Variants in TMPRSS11D observed in about 807,000 individuals in gnomAD.
TMPRSS11D encodes transmembrane serine protease 11D.
A neutral mutation model predicts 44.4 loss-of-function variants in TMPRSS11D; 32 were observed. That is an observed-to-expected ratio of 0.72 (90% CI 0.54 to 0.97). The LOEUF (loss-of-function observed/expected upper bound fraction) is 0.97. Ranked by LOEUF, TMPRSS11D falls within the 50% of genes least tolerant of loss-of-function variation. The probability of loss-of-function intolerance (pLI) is 0.00; values close to 1 mark genes in which losing one functional copy is unlikely to be tolerated. For missense variants in TMPRSS11D, 446 were observed against 502.6 expected, an observed-to-expected ratio of 0.89 and a Z score of 1.08; for synonymous variants, 179 against 177.9, an observed-to-expected ratio of 1.01 and a Z score of -0.05.
chr4:67,867,882 G>C (rs1718964252), intron 1 of TMPRSS11D, among the ~76,000 whole-genome samples: 1 of 152,070 alleles, frequency 6.6e-6, no homozygotes. Flanking sequence ...AAGTAAATTA[G>C]TAAAACCTCT....
At chr4:67,875,048 C>A (rs1719152085) in intron 1 of TMPRSS11D, among the ~76,000 whole-genome samples, 6 of 152,138 alleles carry the variant, frequency 3.9e-5, no homozygotes, top group Admixed American at 3.9e-4. Context: ...TGAATTTAAT[C>A]CTACTGGCTT....
At chr4:67,856,782 C>A (rs1718646157) in intron 2 of TMPRSS11D, among the ~76,000 whole-genome samples, 1 of 151,754 alleles carries the variant, frequency 6.6e-6, no homozygotes, top group Non-Finnish European at 1.5e-5. Context: ...AACAACTCAA[C>A]ACTAAAAAAA....
At chr4:67,860,522 T>G (rs1437306139) in intron 1 of TMPRSS11D, 1 of 152,138 alleles carries the variant, frequency 6.6e-6, no homozygotes, top group Non-Finnish European at 1.5e-5. Flanking sequence ...AGTATATATT[T>G]CTAGTTCAAT....
intron 3 of TMPRSS11D, 136 bp from the exon 4 acceptor site, chr4:67,842,761 C>T: frequency 1.3e-6 from 1 of 743,198 alleles, no homozygotes; most frequent in Non-Finnish European, 2.3e-6. Context: ...AATTCCATTG[C>T]AAAACACATG....
At chr4:67,850,543 A>T (rs1022930361) in intron 3 of TMPRSS11D, among the ~76,000 whole-genome samples, 2 of 152,114 alleles carry the variant, frequency 1.3e-5, no homozygotes, top group African/African-American at 4.8e-5. Context: ...CTGCAGAGGG[A>T]GGAAACACCC....
intron 3 of TMPRSS11D, among the ~76,000 whole-genome samples, chr4:67,850,258 A>C (rs1351951358): frequency 6.6e-6 from 1 of 152,226 alleles, no homozygotes; most frequent in Non-Finnish European, 1.5e-5. Flanking sequence ...TGTGTTAAAT[A>C]GGTGTTTTAA....
intron 7 of TMPRSS11D, among the ~76,000 whole-genome samples, chr4:67,829,982 T>G (rs55968329): frequency 6.6e-6 from 1 of 151,990 alleles, no homozygotes; most frequent in Non-Finnish European, 1.5e-5. Flanking sequence ...TTCCTGAAGG[T>G]TTACAGAAAG....
At chr4:67,865,080 C>T (rs1210155798) in intron 1 of TMPRSS11D, among the ~76,000 whole-genome samples, 1 of 151,706 alleles carries the variant, frequency 6.6e-6, no homozygotes, top group Admixed American at 6.6e-5. Flanking sequence ...TTTATCAGTA[C>T]ATGGAACATT....
intron 7 of TMPRSS11D, among the ~76,000 whole-genome samples, chr4:67,829,427 C>G (rs1717888536): frequency 7.2e-6 from 1 of 138,688 alleles, no homozygotes; most frequent in Non-Finnish European, 1.5e-5. Flanking sequence ...TAGGGGGAGA[C>G]AGAGAGAGAA....
intron 1 of TMPRSS11D, among the ~76,000 whole-genome samples, chr4:67,859,907 GGAA>G (rs565578563): frequency 1.3e-5 from 2 of 152,034 alleles, no homozygotes; most frequent in Non-Finnish European, 2.9e-5. Flanking sequence ...GTAGTCTGAT[GGAA>G]GAAGAGGGAA....
intron 1 of TMPRSS11D, among the ~76,000 whole-genome samples, chr4:67,882,387 A>T (rs1213867213): frequency 6.6e-6 from 1 of 152,182 alleles, no homozygotes; most frequent in East Asian, 1.9e-4. Flanking sequence ...TATTCCAAAA[A>T]GTGTGATCCT....
intron 1 of TMPRSS11D, among the ~76,000 whole-genome samples, chr4:67,880,120 A>G (rs1719286302): frequency 6.6e-6 from 1 of 152,240 alleles, no homozygotes; most frequent in African/African-American, 2.4e-5. Flanking sequence ...TTAAGATACC[A>G]TGCCACGTAA....
At position 67,828,516 on chromosome 4, in the gene TMPRSS11D, C is replaced by A. The variant is rs555946898; in HGVS notation, c.693-996G>T. ...AGGACCAACAATTAACTGTGAGAAACAATAGACAACACCATAGACATCTCA... is the reference window on the plus strand; with the variant it reads ...AGGACCAACAATTAACTGTGAGAAAAAATAGACAACACCATAGACATCTCA... On this transcript the variant is annotated intron_variant, in intron 7 of 9. Transcript: ENST00000283916. 1.4e-4 allele frequency among the ~76,000 whole-genome samples: 22 copies of A among 152,186 alleles called. No homozygotes were observed. The South Asian group carries it at 4.6e-3, about 31-fold the overall frequency.
intron 3 of TMPRSS11D, among the ~76,000 whole-genome samples, chr4:67,843,240 C>T (rs530669544): frequency 6.6e-6 from 1 of 150,746 alleles, no homozygotes; most frequent in African/African-American, 2.4e-5. Flanking sequence ...TGGCCTCTAA[C>T]TGTTGTGCTT....
chr4:67,861,217 G>A (rs1397928022), intron 1 of TMPRSS11D, among the ~76,000 whole-genome samples: 4 of 152,056 alleles, frequency 2.6e-5, no homozygotes, highest in Non-Finnish European at 4.4e-5. Context: ...TCCCTGACAT[G>A]GGTTGAGAGT....
chr4:67,874,415 T>C (rs1332112429), intron 1 of TMPRSS11D, among the ~76,000 whole-genome samples: 1 of 152,178 alleles, frequency 6.6e-6, no homozygotes, highest in African/African-American at 2.4e-5. Flanking sequence ...TCTCCACTCA[T>C]CGTTATCTCT....
At chr4:67,848,707 T>A (rs1253675487) in intron 3 of TMPRSS11D, among the ~76,000 whole-genome samples, 1 of 152,188 alleles carries the variant, frequency 6.6e-6, no homozygotes, top group African/African-American at 2.4e-5. Flanking sequence ...GCAGAATGAA[T>A]GGCACATGCA....
chr4:67,825,687 T>C, intron 9 of TMPRSS11D, 45 bp downstream of exon 9: 1 of 1,600,380 alleles, frequency 6.2e-7, no homozygotes, highest in South Asian at 1.1e-5. Flanking sequence ...GAAGTGCTTA[T>C]ACACTTCTTG....
chr4:67,866,157 C>A (rs573368977), intron 1 of TMPRSS11D, among the ~76,000 whole-genome samples: 1 of 151,846 alleles, frequency 6.6e-6, no homozygotes, highest in Admixed American at 6.6e-5. Context: ...CCATGGTCAA[C>A]TGGGTTTTAT....
Sources: gnomAD v4.1 joint callset for allele counts (sites outside exome capture counted in the v4.1 genomes callset) on GRCh38, gnomAD v4.1.1 for gene constraint, MANE v1.5 for transcripts, NCBI Gene and HGNC (gene_info 2026-07-23, HGNC 2026-07-21) for gene names.